ZMAT4: variants seen among roughly 807,000 people sequenced by gnomAD.
ZMAT4 encodes the protein zinc finger matrin-type protein 4.
ZMAT4 carries 17 observed loss-of-function variants against 28.7 expected under a neutral mutation model. That is an observed-to-expected ratio of 0.59 (90% CI 0.41 to 0.89). The LOEUF (loss-of-function observed/expected upper bound fraction) is 0.89, where lower values mean the gene tolerates loss of function less well. Ranked by LOEUF, ZMAT4 falls within the 40% of genes least tolerant of loss-of-function variation. The probability of loss-of-function intolerance (pLI) is 0.00; values close to 1 mark genes in which losing one functional copy is unlikely to be tolerated. For missense variants in ZMAT4, 240 were observed against 283.8 expected, an observed-to-expected ratio of 0.85 and a Z score of 1.11; for synonymous variants, 117 against 109.2, an observed-to-expected ratio of 1.07 and a Z score of -0.44.
intron 6 of ZMAT4, among the ~76,000 whole-genome samples, chr8:40,574,432 C>G (rs1393185169): frequency 6.6e-6 from 1 of 151,656 alleles, no homozygotes; most frequent in African/African-American, 2.4e-5. Context: ...TAGGCAAATC[C>G]ATATTTATAG....
intron 4 of ZMAT4, among the ~76,000 whole-genome samples, chr8:40,676,339 T>A (rs1808908613): frequency 1.3e-5 from 2 of 152,156 alleles, no homozygotes; most frequent in African/African-American, 4.8e-5. Flanking sequence ...TTGGAAAAAA[T>A]ATTCCGATCC....
intron 5 of ZMAT4, among the ~76,000 whole-genome samples, chr8:40,585,114 G>T (rs1213537599): frequency 6.6e-6 from 1 of 152,108 alleles, no homozygotes; most frequent in Non-Finnish European, 1.5e-5. Context: ...TAAGCTAGGT[G>T]GGTTGGCATG....
At chr8:40,619,901 C>T (rs1806137440) in intron 5 of ZMAT4, among the ~76,000 whole-genome samples, 1 of 152,094 alleles carries the variant, frequency 6.6e-6, no homozygotes. Context: ...TCAATAATGT[C>T]TTTTTCAGAC....
chr8:40,831,412 C>G (rs1000037875), intron 1 of ZMAT4, among the ~76,000 whole-genome samples: 1 of 152,170 alleles, frequency 6.6e-6, no homozygotes, highest in African/African-American at 2.4e-5. Flanking sequence ...AGAAGCATGT[C>G]ATTCAAAATA....
chr8:40,745,053 T>TA (rs1332975288), intron 3 of ZMAT4, among the ~76,000 whole-genome samples: 4 of 151,998 alleles, frequency 2.6e-5, no homozygotes, highest in African/African-American at 9.7e-5. Context: ...GGGGAGTTGA[T>TA]AAAAGCGTGA....
At chr8:40,893,568 C>T (rs1413995683) in intron 1 of ZMAT4, among the ~76,000 whole-genome samples, 2 of 152,204 alleles carry the variant, frequency 1.3e-5, no homozygotes, top group African/African-American at 2.4e-5. Flanking sequence ...CGAAGGCCGC[C>T]GTTTCCCACT....
intron 5 of ZMAT4, among the ~76,000 whole-genome samples, chr8:40,619,401 C>T (rs1258068626): frequency 1.3e-5 from 2 of 152,288 alleles, no homozygotes; most frequent in African/African-American, 4.8e-5. Context: ...GATCTCTATA[C>T]ATGAGTAGGG....
chr8:40,552,163 G>A (rs1453132480), intron 6 of ZMAT4, among the ~76,000 whole-genome samples: 1 of 152,132 alleles, frequency 6.6e-6, no homozygotes, highest in Non-Finnish European at 1.5e-5. Flanking sequence ...TTCTCTTGCT[G>A]GATCCATTTA....
chr8:40,591,184 C>T (rs1426719129), intron 5 of ZMAT4, among the ~76,000 whole-genome samples: 9 of 152,144 alleles, frequency 5.9e-5, no homozygotes, highest in Middle Eastern at 6.8e-3. Context: ...ACTTAGGTGG[C>T]GTCTAAAACC....
intron 1 of ZMAT4, among the ~76,000 whole-genome samples, chr8:40,873,003 G>T (rs971699649): frequency 6.6e-6 from 1 of 152,072 alleles, no homozygotes; most frequent in Non-Finnish European, 1.5e-5. Context: ...ATCAGGGCTT[G>T]TCAGTACCAA....
At chr8:40,548,988 T>C (rs1803286396) in intron 6 of ZMAT4, among the ~76,000 whole-genome samples, 1 of 152,180 alleles carries the variant, frequency 6.6e-6, no homozygotes, top group Admixed American at 6.6e-5. Context: ...AATTCATATG[T>C]TGAAACGTAA....
intron 1 of ZMAT4, among the ~76,000 whole-genome samples, chr8:40,871,579 T>C (rs945919758): frequency 2.6e-5 from 4 of 152,066 alleles, no homozygotes; most frequent in Non-Finnish European, 2.9e-5. Flanking sequence ...AAGGGAGTAG[T>C]GGGAAAAGGC....
chr8:40,689,659 A>G (rs1809571777), intron 4 of ZMAT4, among the ~76,000 whole-genome samples: 1 of 151,966 alleles, frequency 6.6e-6, no homozygotes, highest in African/African-American at 2.4e-5. Context: ...CTTATCTTTA[A>G]TAGATGATTC....
chr8:40,684,892 C>A (rs1809332006), intron 4 of ZMAT4, among the ~76,000 whole-genome samples: 1 of 151,996 alleles, frequency 6.6e-6, no homozygotes, highest in Admixed American at 6.6e-5. Context: ...CAGCTACCAC[C>A]CCCACCCCTG....
intron 1 of ZMAT4, among the ~76,000 whole-genome samples, chr8:40,857,720 A>G (rs1817348635): frequency 6.6e-6 from 1 of 152,252 alleles, no homozygotes; most frequent in South Asian, 2.1e-4. Context: ...AAAGGCTCAT[A>G]TAAGAATATA....
intron 6 of ZMAT4, among the ~76,000 whole-genome samples, chr8:40,543,287 C>T (rs1585663064): frequency 6.6e-6 from 1 of 152,126 alleles, no homozygotes; most frequent in African/African-American, 2.4e-5. Flanking sequence ...CACATGCTTG[C>T]GGAGGCTCTG....
intron 3 of ZMAT4, among the ~76,000 whole-genome samples, chr8:40,707,269 C>G (rs1457813506): frequency 4.3e-5 from 6 of 138,364 alleles, no homozygotes; most frequent in African/African-American, 1.3e-4. Flanking sequence ...CTTATTGTCT[C>G]TCATTGAAAC....
At chr8:40,843,221 ATTGC>A (rs1816762527) in intron 1 of ZMAT4, among the ~76,000 whole-genome samples, 1 of 152,202 alleles carries the variant, frequency 6.6e-6, no homozygotes, top group South Asian at 2.1e-4. Context: ...AAAGTCTCTC[ATTGC>A]TAGGACCTTG....
intron 1 of ZMAT4, among the ~76,000 whole-genome samples, chr8:40,848,581 G>A (rs1273242336): frequency 2.0e-5 from 3 of 152,090 alleles, no homozygotes; most frequent in African/African-American, 7.2e-5. Flanking sequence ...CCATTCACTA[G>A]TCATATAACT....
Sources: allele counts gnomAD v4.1 joint callset (sites outside exome capture counted in the v4.1 genomes callset), GRCh38; gene constraint gnomAD v4.1.1; transcripts MANE v1.5; gene names NCBI Gene and HGNC (gene_info 2026-07-23, HGNC 2026-07-21).